The following CHN2 variants were observed in gnomAD, a reference collection of about 807,000 sequenced individuals.
The protein encoded by CHN2 is chimerin 2.
In CHN2, 35 loss-of-function variants were observed where a neutral mutation model predicts 56.3. That is an observed-to-expected ratio of 0.62 (90% CI 0.47 to 0.82). The LOEUF is 0.82. CHN2 is among the 40% of genes least tolerant of loss of function. CHN2 has a pLI of 0.00. For missense variants in CHN2, 491 were observed against 580.5 expected (o/e 0.85, Z 1.58); for synonymous variants, 210 against 212.8 (o/e 0.99, Z 0.12).
intron 1 of CHN2, among the ~76,000 whole-genome samples, chr7:29,211,199 G>T (rs1252583100): frequency 5.3e-4 from 81 of 151,880 alleles, no homozygotes; most frequent in South Asian, 1.0e-3. Context: ...GCCTCCTGAG[G>T]AGCTGGGACT....
intron 1 of CHN2, among the ~76,000 whole-genome samples, chr7:29,252,907 A>G (rs544296481): frequency 2.1e-4 from 32 of 152,152 alleles, no homozygotes; most frequent in Non-Finnish European, 3.5e-4. Flanking sequence ...CTAAAATTGC[A>G]TTCTTATGCA....
intron 3 of CHN2, among the ~76,000 whole-genome samples, chr7:29,375,478 G>A (rs796481833): frequency 5.9e-5 from 9 of 152,198 alleles, no homozygotes; most frequent in African/African-American, 1.9e-4. Flanking sequence ...TTACGGGCGT[G>A]AGCCACCGCA....
chr7:29,267,105 G>A (rs566160453), intron 1 of CHN2, among the ~76,000 whole-genome samples: 3 of 151,782 alleles, frequency 2.0e-5, no homozygotes, highest in Non-Finnish European at 2.9e-5. Flanking sequence ...TTTTTACTCC[G>A]TGGGCATTTG....
intron 6 of CHN2, among the ~76,000 whole-genome samples, chr7:29,454,048 G>C (rs1239870421): frequency 6.6e-6 from 1 of 152,210 alleles, no homozygotes; most frequent in African/African-American, 2.4e-5. Flanking sequence ...CTCCACAGCA[G>C]TAGACAAATC....
chr7:29,509,289 T>C lies in CHN2; in HGVS notation c.1130-12T>C, dbSNP rs780771470. ...ACTCTGAACTAATACCCATCATGCG[T>C]GAACTTCACAGAAATCTCCAATGCA... On this transcript the variant is annotated splice_polypyrimidine_tract_variant and intron_variant, in intron 11 of 12. Coordinates refer to ENST00000222792, the MANE Select transcript of CHN2 (RefSeq NM_004067.4). 5.6e-6 allele frequency: 9 copies of C among 1,605,368 alleles called. No individual in the cohort carries two copies. Among genetic ancestry groups the C allele is most frequent in the Non-Finnish European group, 7.7e-6 (9 of 1,172,096 alleles).
chr7:29,320,651 T>A (rs1039455388), intron 1 of CHN2, among the ~76,000 whole-genome samples: 1 of 152,226 alleles, frequency 6.6e-6, no homozygotes, highest in Non-Finnish European at 1.5e-5. Flanking sequence ...TATTAATGAC[T>A]GTTCCCAAAT....
chr7:29,387,118 T>C (rs1214160587), intron 3 of CHN2, among the ~76,000 whole-genome samples: 2 of 152,186 alleles, frequency 1.3e-5, no homozygotes, highest in East Asian at 3.9e-4. Context: ...GAGCATTGTT[T>C]AGAGACTTAA....
intron 2 of CHN2, among the ~76,000 whole-genome samples, chr7:29,164,779 CAAA>C (rs55742522): frequency 9.3e-5 from 8 of 85,876 alleles, no homozygotes; most frequent in Admixed American, 1.4e-4. Context: ...AGACCTGTCT[CAAA>C]AAAAAAAAAA....
At chr7:29,445,444 A>G (rs1369162445) in intron 6 of CHN2, among the ~76,000 whole-genome samples, 1 of 152,204 alleles carries the variant, frequency 6.6e-6, no homozygotes, top group South Asian at 2.1e-4. Context: ...CATGATTTGC[A>G]TAAATTATGC....
intron 5 of CHN2, 35 bp downstream of exon 5, chr7:29,398,521 T>A (rs1278069002): frequency 7.5e-7 from 1 of 1,327,134 alleles, no homozygotes; most frequent in African/African-American, 1.4e-5. Flanking sequence ...TTCATTGCTG[T>A]ACAAGTGGCT....
chr7:29,395,677 G>T (rs941541313), intron 4 of CHN2, among the ~76,000 whole-genome samples: 1 of 152,086 alleles, frequency 6.6e-6, no homozygotes, highest in Non-Finnish European at 1.5e-5. Flanking sequence ...TTACCAAGTT[G>T]CAGTCATACA....
Position 29,362,558 on chromosome 7 carries a change from C to T in CHN2, c.89-5374C>T, listed in dbSNP as rs73305035. On this transcript the variant is annotated intron_variant, in intron 2 of 12. Transcript: ENST00000222792. ...CAGTCACGGTCCCCAGCATGTCATT[C>T]AAGGTCCAGCCCCACATGGCCTTCT... 5.8e-3 allele frequency among the ~76,000 whole-genome samples: 887 copies of T among 152,294 alleles called. 5 individuals carry two copies. The highest frequency in any genetic ancestry group is 0.02 in the African/African-American group (846 of 41,562).
At chr7:29,310,983 A>G (rs1794557230) in intron 1 of CHN2, among the ~76,000 whole-genome samples, 1 of 152,214 alleles carries the variant, frequency 6.6e-6, no homozygotes, top group Admixed American at 6.5e-5. Flanking sequence ...CTATTGAAAG[A>G]ATTCTTAAAC....
At chr7:29,274,594 C>G (rs911752993) in intron 1 of CHN2, among the ~76,000 whole-genome samples, 1 of 152,138 alleles carries the variant, frequency 6.6e-6, no homozygotes, top group Non-Finnish European at 1.5e-5. Context: ...CAGTGATTTA[C>G]AAGGATTGTG....
At position 29,329,376 on chromosome 7, in the gene CHN2, C is replaced by CAAAAAAAAAA. The variant is rs10667833; in HGVS notation, c.50-25232_50-25223dup. Among the ~76,000 whole-genome samples the CAAAAAAAAAA allele has an allele frequency of 8.1e-5, 3 of 37,248 alleles. 1 individual carries two copies. The highest frequency in any genetic ancestry group is 1.0e-4 in the African/African-American group (1 of 9,640). The allele number at this position is 37,248 out of a possible 152,430, so 24.4% of individuals were successfully genotyped here. A position where few individuals can be genotyped will look rare whatever the true frequency, so the allele number is the denominator to read the frequency against. ...ACTAGCTTTAAACCTTCAGATAAGG[C>CAAAAAAAAAA]AAAAAAAAAAAAAAAAAAAAAAAAA... On this transcript the variant is annotated intron_variant, in intron 1 of 12. Transcript: ENST00000222792.
intron 7 of CHN2, among the ~76,000 whole-genome samples, chr7:29,490,681 T>C (rs1788562595): frequency 6.6e-6 from 1 of 152,230 alleles, no homozygotes; most frequent in Non-Finnish European, 1.5e-5. Context: ...AGTATCCATA[T>C]ATGTGTGATT....
chr7:29,336,759 C>CAAAAAAAAAAAA (rs5883205), intron 1 of CHN2, among the ~76,000 whole-genome samples: 1 of 68,554 alleles, frequency 1.5e-5, no homozygotes, highest in African/African-American at 6.4e-5. Flanking sequence ...GATTCTGTCT[C>CAAAAAAAAAAAA]AAAAAAAAAA....
At chr7:29,351,281 AC>A (rs1329705191) in intron 1 of CHN2, among the ~76,000 whole-genome samples, 2 of 151,724 alleles carry the variant, frequency 1.3e-5, no homozygotes, top group Non-Finnish European at 2.9e-5. Context: ...TAGGATTTGA[AC>A]CCTGAGAGTT....
chr7:29,494,950 TAAAAAAAAAAAAAAAAAAA>T (rs5883217), intron 7 of CHN2, among the ~76,000 whole-genome samples: 1 of 64,652 alleles, frequency 1.5e-5, no homozygotes. Context: ...AAGCAGTTTG[TAAAAAAAAAAAAAAAAAAA>T]AAAAAAAAAA....
Sources: allele counts gnomAD v4.1 joint callset (sites outside exome capture counted in the v4.1 genomes callset), GRCh38; gene constraint gnomAD v4.1.1; transcripts MANE v1.5; gene names NCBI Gene and HGNC (gene_info 2026-07-23, HGNC 2026-07-21).